NLRC4: variants seen among roughly 807,000 people sequenced by gnomAD.
The protein encoded by NLRC4 is NLR family CARD domain-containing protein 4.
In NLRC4, 63 loss-of-function variants were observed where a neutral mutation model predicts 79.9. The ratio of observed to expected loss-of-function variants is 0.79; its 90% CI spans 0.64 to 0.97. NLRC4 has a LOEUF of 0.97. NLRC4 is among the 50% of genes least tolerant of loss of function. The probability of loss-of-function intolerance (pLI) is 0.00; values close to 1 mark genes in which losing one functional copy is unlikely to be tolerated. For synonymous variants in NLRC4, 461 were observed against 456.5 expected (o/e 1.01, Z -0.12); for missense variants, 1,074 against 1,215.2 (o/e 0.88, Z 1.73).
intron 1 of NLRC4, among the ~76,000 whole-genome samples, chr2:32,257,753 C>T (rs182412505): frequency 6.6e-6 from 1 of 152,126 alleles, no homozygotes; most frequent in East Asian, 1.9e-4. Flanking sequence ...CTCTTGTCCC[C>T]TTCGCAGGGC....
At chr2:32,232,231 T>C (rs959333760) in intron 8 of NLRC4, among the ~76,000 whole-genome samples, 24 of 152,302 alleles carry the variant, frequency 1.6e-4, no homozygotes, top group African/African-American at 5.8e-4. Flanking sequence ...CACTGTAAAG[T>C]TACTCTTTTT....
At chr2:32,254,937 G>A (rs1264410727) in intron 2 of NLRC4, among the ~76,000 whole-genome samples, 1 of 151,700 alleles carries the variant, frequency 6.6e-6, no homozygotes, top group Non-Finnish European at 1.5e-5. Flanking sequence ...TTTCAAACCT[G>A]TGTTGACTGA....
intron 1 of NLRC4, among the ~76,000 whole-genome samples, chr2:32,260,451 C>G (rs1006055958): frequency 7.2e-5 from 11 of 152,114 alleles, no homozygotes; most frequent in Admixed American, 5.2e-4. Context: ...AAACTAGATG[C>G]TCACAGCCAT....
chr2:32,265,595 C>T (rs544860065), upstream of NLRC4: 2 of 152,518 alleles, frequency 1.3e-5, no homozygotes, highest in South Asian at 2.1e-4. Context: ...ACCCCTGTAC[C>T]TTGAATCCCA....
intron 2 of NLRC4, among the ~76,000 whole-genome samples, chr2:32,256,113 C>A (rs1687203025): frequency 6.6e-6 from 1 of 152,084 alleles, no homozygotes; most frequent in Non-Finnish European, 1.5e-5. Flanking sequence ...CATACTCCTT[C>A]CTTATCAAGT....
rs1256640871 is a variant in NLRC4 at position 32,251,240 on chromosome 2, G to A, written c.624C>T (p.Ala208=). 2.5e-6 allele frequency: 4 copies of A among 1,614,024 alleles called. No homozygotes were observed. Among genetic ancestry groups the A allele is most frequent in the African/African-American group, 2.7e-5 (2 of 74,894 alleles). Residue 208 remains alanine (A), a synonymous_variant, in exon 4 of 9, where the codon GCC becomes GCT. Transcript: ENST00000402280. The stretch of plus-strand genomic sequence containing the variant: ...AGAGGGTTTCAAAAAGTCCACCCTG[G>A]GCCCTGCTGAGACGGAGGAAGAAGA... ...KFVFFLRLSR[A]QGGLFETLCD...
intron 1 of NLRC4, among the ~76,000 whole-genome samples, chr2:32,261,316 C>CCCTTTTTTTTTTTT: frequency 4.9e-4 from 47 of 96,902 alleles, no homozygotes; most frequent in Middle Eastern, 5.7e-3. Flanking sequence ...AGCCTCCCCC[C>CCCTTTTTTTTTTTT]TTTTGTTTTT....
At chr2:32,259,399 C>T (rs1241967517) in intron 1 of NLRC4, among the ~76,000 whole-genome samples, 1 of 150,966 alleles carries the variant, frequency 6.6e-6, no homozygotes, top group Non-Finnish European at 1.5e-5. Context: ...TGAGCCACCG[C>T]GTCTGGCCAT....
At position 32,263,139 on chromosome 2, in the gene NLRC4, C is replaced by A. The variant is rs192083146; in HGVS notation, c.-119+1599G>T. Among the ~76,000 whole-genome samples, 800 of 152,166 alleles carry A rather than the reference C, an allele frequency of 5.3e-3. 9 individuals are homozygous for A. Among genetic ancestry groups the A allele is most frequent in the Non-Finnish European group, 4.6e-3 (316 of 68,012 alleles). ...CCACGTCTATGGGGTCATTCCCACA[C>A]CTCACAGATAAAATAAGGGAAAGAG... On this transcript the variant is annotated intron_variant, in intron 1 of 8. Transcript: ENST00000402280.
In NLRC4 at chr2:32,238,446, C is replaced by G. The variant is rs976559354; in HGVS notation, c.2351-144G>C. 20 of 673,174 alleles carry G rather than the reference C, an allele frequency of 3.0e-5. No homozygotes were observed. The Admixed American group carries it at 4.2e-4, about 14-fold the overall frequency. The allele number at this position is 673,174 out of a possible 1,614,324, so 41.7% of individuals were successfully genotyped here. A position where few individuals can be genotyped will look rare whatever the true frequency, so the allele number is the denominator to read the frequency against. ...GCAGCGACTTTAAGTTACAAAGAAT[C>G]AACGAGAGCTTTTTTTCTTTCAATT... On this transcript the variant is annotated intron_variant, in intron 5 of 8. Coordinates refer to ENST00000402280, the MANE Select transcript of NLRC4 (RefSeq NM_001199138.2).
Position 32,229,884 on chromosome 2 carries a change from G to A in NLRC4, c.2783-5119C>T, listed in dbSNP as rs142917702. Among the ~76,000 whole-genome samples the A allele has an allele frequency of 7.1e-4, 108 of 152,292 alleles. 2 individuals are homozygous for A. Among genetic ancestry groups the A allele is most frequent in the Admixed American group, 5.0e-3 (76 of 15,294 alleles). On this transcript the variant is annotated intron_variant, in intron 8 of 8. Coordinates refer to ENST00000402280, the MANE Select transcript of NLRC4 (RefSeq NM_001199138.2). Reference sequence around the variant, plus strand: ...ATGCAATGAGTAGAAAGTAGCAGATGGTCAGGAAATGGAGATGTCATAAGG... The same window carrying A: ...ATGCAATGAGTAGAAAGTAGCAGATAGTCAGGAAATGGAGATGTCATAAGG...
rs1288980199 is a variant in NLRC4 at position 32,252,543 on chromosome 2, C to T, written c.138G>A (p.Val46=). 4.3e-6 allele frequency: 7 copies of T among 1,614,214 alleles called. No individual in the cohort carries two copies. The highest frequency in any genetic ancestry group is 5.1e-6 in the Non-Finnish European group (6 of 1,180,026). ...TGATCCCTCTAGCAGCATCCTGCTC[C>T]ACCTTCTCGCAGCAAATGATGTTTA... ...EEVNIICCEK[V]EQDAARGIIH... Residue 46 remains valine, a synonymous_variant, in exon 3 of 9, where the codon GTG becomes GTA. Coordinates refer to ENST00000402280, the MANE Select transcript of NLRC4 (RefSeq NM_001199138.2).
chr2:32,238,667 G>C (rs561625452), intron 5 of NLRC4, among the ~76,000 whole-genome samples: 39 of 151,636 alleles, frequency 2.6e-4, no homozygotes, highest in African/African-American at 8.2e-4. Flanking sequence ...TAAACAGCGG[G>C]GGGGCTGAGT....
intron 4 of NLRC4, 115 bp from the exon 5 acceptor site, chr2:32,241,240 C>G (rs1023572621): frequency 4.5e-6 from 3 of 668,236 alleles, no homozygotes; most frequent in African/African-American, 1.9e-5. Flanking sequence ...CATCATGAGC[C>G]AAAAATGCTC....
chr2:32,251,679 G>A (rs1687082411), intron 3 of NLRC4, 78 bp from the exon 4 acceptor site: 3 of 967,610 alleles, frequency 3.1e-6, no homozygotes, highest in South Asian at 1.6e-5. Context: ...GGATGAACGG[G>A]GGGGTGAGGC....
rs1686693223 is a variant in NLRC4, at chr2:32,237,191, A to G, written c.2522-852T>C. Among the ~76,000 whole-genome samples, 6 of 152,214 alleles carry G rather than the reference A, an allele frequency of 3.9e-5. No homozygotes were observed. In the South Asian group the frequency reaches 1.2e-3, roughly 32 times the overall value. ...GAAGTTTTTTCTGTCAGGGCTAGAA[A>G]AATCTCCTTTTTAAAAAAATCAGAC... On this transcript the variant is annotated intron_variant, in intron 6 of 8. Transcript: ENST00000402280.
At chr2:32,253,245 G>T (rs1687125658) in intron 2 of NLRC4, among the ~76,000 whole-genome samples, 1 of 151,470 alleles carries the variant, frequency 6.6e-6, no homozygotes, top group African/African-American at 2.4e-5. Flanking sequence ...TGCCTCCTGG[G>T]TTCAAGCAAT....
chr2:32,225,921 G>T (rs1686380786), intron 8 of NLRC4, among the ~76,000 whole-genome samples: 1 of 152,128 alleles, frequency 6.6e-6, no homozygotes, highest in African/African-American at 2.4e-5. Context: ...TGTAATATTA[G>T]ATAATGTTCC....
chr2:32,263,453 T>G (rs2148950217), intron 1 of NLRC4, among the ~76,000 whole-genome samples: 1 of 152,380 alleles, frequency 6.6e-6, no homozygotes, highest in Admixed American at 6.5e-5. Flanking sequence ...CTTAGGTCTT[T>G]AATAGGCTTC....
Sources: allele counts gnomAD v4.1 joint callset (sites outside exome capture counted in the v4.1 genomes callset), GRCh38; gene constraint gnomAD v4.1.1; transcripts MANE v1.5; gene names NCBI Gene and HGNC (gene_info 2026-07-23, HGNC 2026-07-21).